ZFAND3: variants seen among roughly 807,000 people sequenced by gnomAD.
The protein encoded by ZFAND3 is zinc finger AN1-type containing 3.
In ZFAND3, 10 loss-of-function variants were observed where a neutral mutation model predicts 29.6. That is an observed-to-expected ratio of 0.34 (90% CI 0.21 to 0.57). The LOEUF is 0.57. Ranked by LOEUF, ZFAND3 falls within the 20% of genes least tolerant of loss-of-function variation. The pLI is 0.86. For missense variants in ZFAND3, 230 were observed against 304.5 expected (o/e 0.76, Z 1.82); for synonymous variants, 128 against 112.6 (o/e 1.14, Z -0.87).
At chr6:37,936,263 C>G (rs1394242427) in intron 2 of ZFAND3, among the ~76,000 whole-genome samples, 1 of 152,166 alleles carries the variant, frequency 6.6e-6, no homozygotes, top group African/African-American at 2.4e-5. Flanking sequence ...TAATGTGACA[C>G]CATCTCTATC....
At chr6:38,050,957 G>T (rs1404186968) in intron 2 of ZFAND3, among the ~76,000 whole-genome samples, 1 of 152,156 alleles carries the variant, frequency 6.6e-6, no homozygotes, top group East Asian at 1.9e-4. Context: ...AAGATTGGTG[G>T]TGTGTGACCC....
Position 37,944,529 on chromosome 6 carries a change from A to G in ZFAND3, c.112+14530A>G, listed in dbSNP as rs545437121. ...AAAGAAAAGAGAAAAAACTGTGTGT[A>G]TGCTTCCCTTAGGCCAAAATTTGTC... On this transcript the variant is annotated intron_variant, in intron 2 of 5. Coordinates refer to ENST00000287218, the MANE Select transcript of ZFAND3 (RefSeq NM_021943.3). Among the ~76,000 whole-genome samples, 8 of 152,324 alleles carry G rather than the reference A, an allele frequency of 5.3e-5. No homozygotes were observed. In the East Asian group the frequency reaches 1.3e-3, roughly 26 times the overall value.
intron 2 of ZFAND3, among the ~76,000 whole-genome samples, chr6:38,015,528 A>G (rs576533162): frequency 1.3e-5 from 2 of 152,196 alleles, no homozygotes; most frequent in Non-Finnish European, 2.9e-5. Context: ...TTAATGGAAA[A>G]CTTAGAAACA....
At chr6:38,104,568 G>C (rs191486690) in intron 4 of ZFAND3, among the ~76,000 whole-genome samples, 1 of 152,098 alleles carries the variant, frequency 6.6e-6, no homozygotes, top group African/African-American at 2.4e-5. Context: ...GAATGATGTT[G>C]TACATCAGAA....
intron 1 of ZFAND3, among the ~76,000 whole-genome samples, chr6:37,856,942 C>T (rs1764394406): frequency 7.3e-6 from 1 of 137,822 alleles, no homozygotes; most frequent in Admixed American, 7.2e-5. Context: ...TATTGTTTAA[C>T]TCTTGACCTT....
At chr6:38,107,440 C>A (rs940491639) in intron 4 of ZFAND3, among the ~76,000 whole-genome samples, 2 of 152,204 alleles carry the variant, frequency 1.3e-5, no homozygotes, top group Non-Finnish European at 2.9e-5. Flanking sequence ...TCTTTACTTA[C>A]GCCAGTCCTC....
intron 4 of ZFAND3, among the ~76,000 whole-genome samples, chr6:38,108,531 C>T (rs930949714): frequency 8.5e-5 from 13 of 152,176 alleles, no homozygotes; most frequent in Non-Finnish European, 2.9e-5. Context: ...AGTCTAAAGG[C>T]CGAAGAATCT....
intron 2 of ZFAND3, among the ~76,000 whole-genome samples, chr6:37,954,395 T>G (rs1074234): frequency 0.39 from 58,609 of 151,988 alleles, 12,067 homozygotes; most frequent in Non-Finnish European, 0.47. Context: ...TGTGTTTCAT[T>G]TTGGATAGTT....
intron 2 of ZFAND3, among the ~76,000 whole-genome samples, chr6:38,019,266 T>C (rs184851001): frequency 8.1e-4 from 123 of 152,280 alleles, no homozygotes; most frequent in African/African-American, 2.5e-3. Context: ...CCTGATAGAT[T>C]TGTTAAAATG....
intron 4 of ZFAND3, among the ~76,000 whole-genome samples, chr6:38,085,875 C>G (rs1467955491): frequency 1.3e-5 from 2 of 152,142 alleles, no homozygotes; most frequent in Non-Finnish European, 2.9e-5. Context: ...CTTCTTAGTA[C>G]TTTGAAAATT....
intron 2 of ZFAND3, among the ~76,000 whole-genome samples, chr6:37,978,549 G>A (rs1267178526): frequency 1.3e-5 from 2 of 151,214 alleles, no homozygotes; most frequent in African/African-American, 2.4e-5. Flanking sequence ...CATGAATGAA[G>A]CCATCTACAC....
At chr6:37,874,671 A>G (rs1258905111) in intron 1 of ZFAND3, among the ~76,000 whole-genome samples, 1 of 152,206 alleles carries the variant, frequency 6.6e-6, no homozygotes, top group Non-Finnish European at 1.5e-5. Context: ...TAGGTCTCCA[A>G]CATATCTTGT....
At chr6:38,051,601 G>C (rs1764027259) in intron 2 of ZFAND3, among the ~76,000 whole-genome samples, 1 of 151,996 alleles carries the variant, frequency 6.6e-6, no homozygotes, top group South Asian at 2.1e-4. Context: ...TTTGTTTTTA[G>C]GCTCCAACTT....
At position 37,869,745 on chromosome 6, in the gene ZFAND3, T is replaced by C. The variant is rs117178286; in HGVS notation, c.71+49729T>C. ...CCAGGCTGGCCTCGAACTCCTGGCCTCTAGTGATTCTCCTGCCTTGCCTCA... is the reference window on the plus strand; with the variant it reads ...CCAGGCTGGCCTCGAACTCCTGGCCCCTAGTGATTCTCCTGCCTTGCCTCA... On this transcript the variant is annotated intron_variant, in intron 1 of 5. Coordinates refer to ENST00000287218, the MANE Select transcript of ZFAND3 (RefSeq NM_021943.3). Among the ~76,000 whole-genome samples, 670 of 151,996 alleles carry C rather than the reference T, an allele frequency of 4.4e-3. 16 individuals are homozygous for C. The highest frequency in any genetic ancestry group is 0.033 in the Admixed American group (496 of 15,260).
At chr6:38,033,460 C>A (rs1432680979) in intron 2 of ZFAND3, among the ~76,000 whole-genome samples, 1 of 152,108 alleles carries the variant, frequency 6.6e-6, no homozygotes, top group Non-Finnish European at 1.5e-5. Flanking sequence ...TTGCAACCTT[C>A]CCCTCGTCAC....
At chr6:37,866,156 G>C (rs951258708) in intron 1 of ZFAND3, among the ~76,000 whole-genome samples, 1 of 152,176 alleles carries the variant, frequency 6.6e-6, no homozygotes, top group African/African-American at 2.4e-5. Context: ...CCTGGAGATA[G>C]TAGGAGCTCT....
At chr6:37,827,491 C>A (rs1009296705) in intron 1 of ZFAND3, among the ~76,000 whole-genome samples, 6 of 152,198 alleles carry the variant, frequency 3.9e-5, no homozygotes, top group African/African-American at 1.4e-4. Context: ...ATGTAAATCT[C>A]ATGGCAGCTT....
At chr6:37,972,250 A>C (rs1762401497) in intron 2 of ZFAND3, among the ~76,000 whole-genome samples, 1 of 152,200 alleles carries the variant, frequency 6.6e-6, no homozygotes, top group Non-Finnish European at 1.5e-5. Flanking sequence ...CTCCAGCTGC[A>C]CACAGAAGGC....
intron 3 of ZFAND3, among the ~76,000 whole-genome samples, chr6:38,068,682 C>T (rs943007332): frequency 6.6e-6 from 1 of 152,140 alleles, no homozygotes; most frequent in Admixed American, 6.5e-5. Context: ...CTCTTGTCTA[C>T]TGCATCCACC....
Sources: gnomAD v4.1 joint callset for allele counts (sites outside exome capture counted in the v4.1 genomes callset) on GRCh38, gnomAD v4.1.1 for gene constraint, MANE v1.5 for transcripts, NCBI Gene and HGNC (gene_info 2026-07-23, HGNC 2026-07-21) for gene names.